PHTF2: variants seen among roughly 807,000 people sequenced by gnomAD.
The protein encoded by PHTF2 is putative homeodomain transcription factor 2.
Under a neutral mutation model 101.2 loss-of-function variants are expected in PHTF2, and 60 were observed. The ratio of observed to expected loss-of-function variants is 0.59; its 90% confidence interval spans 0.48 to 0.73. The LOEUF (loss-of-function observed/expected upper bound fraction) is 0.73, where lower values mean the gene tolerates loss of function less well. Among genes scored for constraint, PHTF2 ranks in the 30% least tolerant of loss-of-function variants. The pLI, the probability that PHTF2 is intolerant of heterozygous loss-of-function variation, is 0.00. For synonymous variants in PHTF2, 311 were observed against 307.3 expected (o/e 1.01, Z -0.13); for missense variants, 747 against 908.7 (o/e 0.82, Z 2.29).
intron 3 of PHTF2, among the ~76,000 whole-genome samples, chr7:77,869,374 A>G (rs191237571): frequency 4.6e-4 from 70 of 152,244 alleles, no homozygotes; most frequent in Non-Finnish European, 8.2e-4. Context: ...AATTCTTTCT[A>G]TGTGTGTTTT....
intron 1 of PHTF2, among the ~76,000 whole-genome samples, chr7:77,825,695 G>A (rs1031391855): frequency 2.6e-5 from 4 of 152,162 alleles, no homozygotes; most frequent in South Asian, 2.1e-4. Context: ...GCATAAAGAC[G>A]TGTACACAAA....
exon 20 of PHTF2, chr7:77,955,437 A>G (rs1400164830): frequency 6.6e-6 from 1 of 152,606 alleles, no homozygotes; most frequent in African/African-American, 2.4e-5. Context: ...TAACAGGTCA[A>G]CAAGTGCTCT....
rs535696000 is a variant in PHTF2, at chr7:77,950,132, G to A, written c.2115+299G>A. ...GTTTGCTTTGCAGTGTAGCAGAGCC[G>A]CATTTGAGTAAGTATACATTTTTAC... On this transcript the variant is annotated intron_variant, in intron 17 of 19. Transcript: ENST00000416283. Among the ~76,000 whole-genome samples the A allele has an allele frequency of 7.2e-5, 11 of 152,162 alleles. No individual in the cohort carries two copies. In the South Asian group the frequency reaches 8.3e-4, roughly 11 times the overall value.
intron 13 of PHTF2, among the ~76,000 whole-genome samples, chr7:77,939,000 G>C (rs115652165): frequency 0.021 from 3,154 of 152,122 alleles, 90 homozygotes; most frequent in African/African-American, 0.071. Flanking sequence ...GGAAGTCTCT[G>C]GAATCTTGGA....
At chr7:77,803,494 C>G (rs933629401) in intron 1 of PHTF2, among the ~76,000 whole-genome samples, 1 of 152,114 alleles carries the variant, frequency 6.6e-6, no homozygotes, top group African/African-American at 2.4e-5. Context: ...ACTGCCATCA[C>G]TGGTTGTGTG....
intron 1 of PHTF2, among the ~76,000 whole-genome samples, chr7:77,807,742 A>G (rs1281676698): frequency 6.6e-6 from 1 of 152,128 alleles, no homozygotes; most frequent in Non-Finnish European, 1.5e-5. Context: ...TGTTGCCTAT[A>G]CTTTTGGTGT....
chr7:77,933,262 AT>A (rs1804776475), intron 12 of PHTF2, among the ~76,000 whole-genome samples: 1 of 152,156 alleles, frequency 6.6e-6, no homozygotes, highest in South Asian at 2.1e-4. Flanking sequence ...AATAAAATAA[AT>A]AAATAAATAG....
intron 3 of PHTF2, among the ~76,000 whole-genome samples, chr7:77,862,169 A>G (rs979319335): frequency 6.6e-6 from 1 of 152,124 alleles, no homozygotes; most frequent in African/African-American, 2.4e-5. Flanking sequence ...GGATCCATCT[A>G]TAGTTCTCCT....
chr7:77,924,901 A>T (rs1366084326), intron 11 of PHTF2, among the ~76,000 whole-genome samples: 1 of 152,094 alleles, frequency 6.6e-6, no homozygotes, highest in East Asian at 1.9e-4. Context: ...GCCTTTTTCT[A>T]CTATCTACTG....
intron 11 of PHTF2, among the ~76,000 whole-genome samples, chr7:77,926,913 T>G (rs1424375703): frequency 6.6e-6 from 1 of 151,942 alleles, no homozygotes; most frequent in Non-Finnish European, 1.5e-5. Flanking sequence ...ATCCCTGCAC[T>G]TTGGGAGGCT....
At chr7:77,847,474 A>T (rs1796395740) in intron 2 of PHTF2, among the ~76,000 whole-genome samples, 1 of 152,142 alleles carries the variant, frequency 6.6e-6, no homozygotes, top group African/African-American at 2.4e-5. Context: ...TCTGAGCCTT[A>T]GTTTTTTCTT....
At chr7:77,940,375 TTTA>T (rs1805540662) in intron 14 of PHTF2, 73 bp downstream of exon 13, 1 of 1,386,034 alleles carries the variant, frequency 7.2e-7, no homozygotes, top group African/African-American at 1.5e-5. Flanking sequence ...CCTGAAGTAC[TTTA>T]TTATTTCATT....
At chr7:77,882,896 G>C (rs578190905) in intron 3 of PHTF2, among the ~76,000 whole-genome samples, 11 of 152,238 alleles carry the variant, frequency 7.2e-5, no homozygotes, top group Middle Eastern at 3.4e-3. Flanking sequence ...AGTCACCTGA[G>C]TATCTGACTT....
chr7:77,872,074 G>A (rs1798566486), intron 3 of PHTF2, among the ~76,000 whole-genome samples: 1 of 152,228 alleles, frequency 6.6e-6, no homozygotes, highest in Admixed American at 6.5e-5. Context: ...GGAGGGCTCA[G>A]TGTTGGTCTC....
chr7:77,827,264 C>T (rs997565437), intron 1 of PHTF2, among the ~76,000 whole-genome samples: 1 of 152,126 alleles, frequency 6.6e-6, no homozygotes, highest in Non-Finnish European at 1.5e-5. Context: ...CTAAATAACT[C>T]GTGTGGCAAG....
chr7:77,954,323 A>C (rs4729912), intron 19 of PHTF2, among the ~76,000 whole-genome samples: 16,667 of 151,768 alleles, frequency 0.11, 1,332 homozygotes, highest in African/African-American at 0.22. Flanking sequence ...TAGTAGAGAC[A>C]GTGTTTCACC....
At chr7:77,935,477 A>G (rs1805039265) in intron 12 of PHTF2, among the ~76,000 whole-genome samples, 1 of 152,010 alleles carries the variant, frequency 6.6e-6, no homozygotes, top group African/African-American at 2.4e-5. Context: ...CGCCCACCTC[A>G]GCCTCCCAAA....
At chr7:77,904,899 C>G (rs1801716307) in intron 7 of PHTF2, among the ~76,000 whole-genome samples, 1 of 152,194 alleles carries the variant, frequency 6.6e-6, no homozygotes, top group African/African-American at 2.4e-5. Flanking sequence ...CCAAGCTTGT[C>G]CAACCCATGG....
intron 5 of PHTF2, chr7:77,895,319 C>A: frequency 3.6e-6 from 1 of 280,454 alleles, no homozygotes; most frequent in Non-Finnish European, 6.9e-6. Flanking sequence ...TGGGAAATAA[C>A]TAACATTTAA....
Sources: allele counts gnomAD v4.1 joint callset (sites outside exome capture counted in the v4.1 genomes callset), GRCh38; gene constraint gnomAD v4.1.1; transcripts MANE v1.5; gene names NCBI Gene and HGNC (gene_info 2026-07-23, HGNC 2026-07-21).